Variants in POLR2G observed in about 807,000 individuals in gnomAD.
The protein encoded by POLR2G is DNA-directed RNA polymerase II subunit RPB7.
POLR2G carries 19 observed loss-of-function variants against 25.7 expected under a neutral mutation model. The observed-to-expected ratio is 0.74, with a 90% CI of 0.52 to 1.08. The LOEUF is 1.08. POLR2G is among the 50% of genes least tolerant of loss of function. POLR2G has a pLI of 0.00. For missense variants in POLR2G, 123 were observed against 218.5 expected (o/e 0.56, Z 2.76); for synonymous variants, 79 against 76.0 (o/e 1.04, Z -0.21).
chr11:62,765,450 C>T (rs767273936), intron 5 of POLR2G, 45 bp downstream of exon 5: 20 of 1,493,694 alleles, frequency 1.3e-5, no homozygotes, highest in Non-Finnish European at 1.8e-5. Context: ...GAGAATCAGC[C>T]ATCCTGAGGG....
rs2084095401 is a variant in POLR2G, at chr11:62,762,847, G to C, written c.123-20G>C. ...GCTCTTGGACACACAGTGTCTTCCT[G>C]TTTCTCATCCTCCTTGCAGGTATGG... On this transcript the variant is annotated intron_variant, in intron 2 of 7. Transcript: ENST00000301788. 6.4e-7 allele frequency: 1 copy of C among 1,560,234 alleles called. No homozygotes were observed. Among genetic ancestry groups the C allele is most frequent in the African/African-American group, 1.4e-5 (1 of 73,226 alleles).
chr11:62,766,226 T>C lies in POLR2G; in HGVS notation c.472-17T>C, dbSNP rs1216922886. 1 of 1,613,114 alleles carries C rather than the reference T, an allele frequency of 6.2e-7. No homozygotes were observed. The highest frequency in any genetic ancestry group is 8.5e-7 in the Non-Finnish European group (1 of 1,179,194). On this transcript the variant is annotated splice_polypyrimidine_tract_variant and intron_variant, in intron 6 of 7. Transcript: ENST00000301788. ...GCTCATCTTGGCTTCACTTTCTTTT[T>C]ACCATCTTTCTTGCAGTTTGCTATT...
Position 62,761,628 on chromosome 11 carries a change from C to G in POLR2G, c.-21C>G, listed in dbSNP as rs968845042. On this transcript the variant is annotated 5_prime_UTR_variant, in exon 1 of 8. Transcript: ENST00000301788. ...GGACTGTCGGAGGTGTGGACTCTGC[C>G]TGCCTACCTGGTCTGGGAAGATGTT... 5.0e-6 allele frequency: 8 copies of G among 1,606,668 alleles called. No homozygotes were observed. In the African/African-American group the frequency reaches 1.1e-4, roughly 21 times the overall value.
rs545119620 is a variant in POLR2G at position 62,761,974 on chromosome 11, C to T, written c.122+70C>T. On this transcript the variant is annotated intron_variant, in intron 2 of 7. Transcript: ENST00000301788. ...ACGGGGCGCTATACCTGCAACCCCT[C>T]CCCAACTCCTACTCGTCCTGCCACC... 133 of 1,103,688 alleles carry T rather than the reference C, an allele frequency of 1.2e-4. No homozygotes were observed. The African/African-American group carries it at 1.8e-3, about 15-fold the overall frequency. 68.4% of individuals were successfully genotyped at this position (1,103,688 alleles called of 1,614,324 possible). A position where few individuals can be genotyped will look rare whatever the true frequency, so the allele number is the denominator to read the frequency against.
intron 3 of POLR2G, 83 bp from the exon 4 acceptor site, chr11:62,765,099 C>T: frequency 2.6e-6 from 3 of 1,158,366 alleles, no homozygotes; most frequent in South Asian, 1.2e-5. Flanking sequence ...CCTCGTGATC[C>T]ACCGGCCTCG....
chr11:62,762,290 T>C (rs1293141126), intron 2 of POLR2G: 1 of 270,542 alleles, frequency 3.7e-6, no homozygotes, highest in African/African-American at 2.2e-5. Flanking sequence ...TTTTCTCTTA[T>C]CCCCTGTGCC....
At chr11:62,762,581 T>G in intron 2 of POLR2G, 1 of 517,470 alleles carries the variant, frequency 1.9e-6, no homozygotes, top group Non-Finnish European at 3.8e-6. Context: ...ATCTGCATTT[T>G]AAGAAGATGA....
intron 2 of POLR2G, 125 bp from the exon 3 acceptor site, chr11:62,762,742 G>A: frequency 1.4e-6 from 1 of 695,598 alleles, no homozygotes; most frequent in South Asian, 1.7e-5. Flanking sequence ...TGGGAGCAGA[G>A]GTGCTATCTA....
chr11:62,762,155 T>C, intron 2 of POLR2G: 1 of 506,888 alleles, frequency 2.0e-6, no homozygotes, highest in Non-Finnish European at 3.6e-6. Flanking sequence ...CCTTGGTGTG[T>C]GCCAGGACCC....
At chr11:62,765,572 C>T in intron 5 of POLR2G, 81 bp from the exon 6 acceptor site, 1 of 1,137,474 alleles carries the variant, frequency 8.8e-7, no homozygotes, top group Non-Finnish European at 1.3e-6. Context: ...TCAATATGCC[C>T]CCGGGCTTAC....
intron 6 of POLR2G, 124 bp downstream of exon 6, chr11:62,765,848 C>T (rs185806075): frequency 1.7e-5 from 11 of 644,914 alleles, no homozygotes; most frequent in African/African-American, 5.6e-5. Flanking sequence ...AGTGCAGTGG[C>T]GCGATCTCGG....
At position 62,765,177 on chromosome 11, in the gene POLR2G, T is replaced by C. The variant is rs776297573; in HGVS notation, c.283-5T>C. The C allele has an allele frequency of 2.0e-5, 33 of 1,613,224 alleles. No homozygotes were observed. The Middle Eastern group carries it at 7.2e-4, about 35-fold the overall frequency. ...CGGCCGTAAGATCACTCATTTTTTT[T>C]CTAGGTTGGACTCTTCACAGAAATT... is the stretch of plus-strand genomic sequence containing the variant. On this transcript the variant is annotated splice_polypyrimidine_tract_variant and splice_region_variant and intron_variant, in intron 3 of 7. Coordinates refer to ENST00000301788, the MANE Select transcript of POLR2G (RefSeq NM_002696.3).
intron 5 of POLR2G, 21 bp from the exon 6 acceptor site, chr11:62,765,632 A>C: frequency 6.4e-7 from 1 of 1,558,706 alleles, no homozygotes. Context: ...GCATCTGTAC[A>C]CTGTTCCCTC....
chr11:62,766,249 A>G lies in POLR2G; in HGVS notation c.478A>G (p.Ile160Val), dbSNP rs1278362446. Residue 160 changes from isoleucine to valine, a missense_variant, in exon 7 of 8, where the codon ATT (isoleucine) becomes GTT (valine). Transcript: ENST00000301788. ...TTTACCATCTTTCTTGCAGTTTGCT[A>G]TTGGCTCCCTGATGGACGATTACTT... ...TRVDKNDIFA[I>V]GSLMDDYLGL... 4 of 1,613,684 alleles carry G rather than the reference A, an allele frequency of 2.5e-6. No homozygotes were observed. The highest frequency in any genetic ancestry group is 2.2e-5 in the East Asian group (1 of 44,890).
chr11:62,763,631 A>G (rs1352744344), intron 3 of POLR2G, among the ~76,000 whole-genome samples: 1 of 151,840 alleles, frequency 6.6e-6, no homozygotes, highest in African/African-American at 2.4e-5. Context: ...GCCCTGCCTA[A>G]CTCAGAGGGC....
intron 3 of POLR2G, among the ~76,000 whole-genome samples, chr11:62,764,084 G>A (rs987019263): frequency 3.3e-5 from 5 of 152,164 alleles, no homozygotes; most frequent in African/African-American, 1.2e-4. Flanking sequence ...AAGAAATTAA[G>A]TGTACTGGCC....
chr11:62,761,683 GC>G, intron 1 of POLR2G, 23 bp downstream of exon 1: 1 of 1,611,648 alleles, frequency 6.2e-7, no homozygotes, highest in Non-Finnish European at 8.5e-7. Flanking sequence ...CAGGGTGGCG[GC>G]AAGGGCTGGG....
intron 3 of POLR2G, 59 bp downstream of exon 3, chr11:62,763,085 C>T (rs2084096783): frequency 9.2e-7 from 1 of 1,091,572 alleles, no homozygotes; most frequent in Non-Finnish European, 1.3e-6. Flanking sequence ...GGGTTGGGTT[C>T]TGGCTCCACT....
intron 2 of POLR2G, 122 bp downstream of exon 2, chr11:62,762,026 A>G (rs1011200786): frequency 7.1e-6 from 5 of 702,638 alleles, no homozygotes; most frequent in Non-Finnish European, 1.2e-5. Flanking sequence ...CTCCTCTCTC[A>G]GGCAGCCAGT....
Sources: allele counts gnomAD v4.1 joint callset (sites outside exome capture counted in the v4.1 genomes callset), GRCh38; gene constraint gnomAD v4.1.1; transcripts MANE v1.5; gene names NCBI Gene and HGNC (gene_info 2026-07-23, HGNC 2026-07-21).